The following SPDYE3 variants were observed in gnomAD, a reference collection of about 807,000 sequenced individuals.
SPDYE3 encodes speedy/RINGO cell cycle regulator family member E3.
A neutral mutation model predicts 55.0 loss-of-function variants in SPDYE3; 15 were observed. The observed-to-expected ratio is 0.27, with a 90% CI of 0.18 to 0.42. SPDYE3 has a LOEUF of 0.42. Ranked by LOEUF, SPDYE3 falls within the 10% of genes least tolerant of loss-of-function variation. SPDYE3 has a pLI of 1.00. For synonymous variants in SPDYE3, 89 were observed against 229.9 expected (o/e 0.39, Z 5.55); for missense variants, 236 against 576.7 (o/e 0.41, Z 6.05).
chr7:100,318,562 G>A (rs1789497361), intron 8 of SPDYE3, among the ~76,000 whole-genome samples: 2 of 152,128 alleles, frequency 1.3e-5, no homozygotes, highest in South Asian at 4.1e-4. Flanking sequence ...CCTCTGTGAT[G>A]CCTTCCCTCA....
chr7:100,309,713 G>T (rs1328447995), intron 2 of SPDYE3, among the ~76,000 whole-genome samples: 295 of 114,410 alleles, frequency 2.6e-3, no homozygotes, highest in African/African-American at 9.3e-3. Context: ...AGAGTGAGAC[G>T]CTGTCTCAAA....
In SPDYE3 at chr7:100,309,544, A is replaced by G. The variant is rs552964869; in HGVS notation, c.325+352A>G. 2.9e-5 allele frequency among the ~76,000 whole-genome samples: 4 copies of G among 140,246 alleles called. 1 individual carries two copies. Among genetic ancestry groups the G allele is most frequent in the African/African-American group, 1.0e-4 (4 of 39,044 alleles). 92.0% of individuals were successfully genotyped at this position (140,246 alleles called of 152,430 possible). A position where few individuals can be genotyped will look rare whatever the true frequency, so the allele number is the denominator to read the frequency against. ...CACTGCACTCCAGCCTGAGTGACAG[A>G]GCAAAACTCTGCGTCAAAAGAAAAA... On this transcript the variant is annotated intron_variant, in intron 2 of 10. Coordinates refer to ENST00000332397, the MANE Select transcript of SPDYE3 (RefSeq NM_001004351.5).
chr7:100,307,785 A>T lies in SPDYE3; in HGVS notation c.-101A>T. On this transcript the variant is annotated 5_prime_UTR_variant, in exon 1 of 11. Coordinates refer to ENST00000332397, the MANE Select transcript of SPDYE3 (RefSeq NM_001004351.5). ...CTCCTGACTTCTCCCAGCCTCGAGA[A>T]TTGATAACACACTCTTCTGGATCCC... The T allele has an allele frequency of 1.4e-6, 2 of 1,443,256 alleles. No individual in the cohort carries two copies. Among genetic ancestry groups the T allele is most frequent in the South Asian group, 2.8e-5 (2 of 72,036 alleles). 89.4% of individuals were successfully genotyped at this position (1,443,256 alleles called of 1,614,324 possible).
In SPDYE3 at chr7:100,321,684, C is replaced by G. The variant is rs1295984914; in HGVS notation, c.*839C>G. On this transcript the variant is annotated 3_prime_UTR_variant, in exon 11 of 11. Transcript: ENST00000332397. ...TTTTATTTGCTGTTTAGGTTTGTGA[C>G]TGAATTGTGAGAATTCAGTTGTGAT... The G allele has an allele frequency of 1.3e-5, 2 of 151,528 alleles. No individual in the cohort carries two copies. The highest frequency in any genetic ancestry group is 3.9e-4 in the East Asian group (2 of 5,176). 9.4% of individuals were successfully genotyped at this position (151,528 alleles called of 1,614,324 possible).
intron 1 of SPDYE3, 131 bp from the exon 2 acceptor site, chr7:100,308,839 AAGTC>A (rs1206363267): frequency 1.7e-6 from 1 of 586,302 alleles, no homozygotes; most frequent in Non-Finnish European, 3.1e-6. Context: ...GCAGAGGAGA[AAGTC>A]AGAAAGGTGG....
At chr7:100,316,576 C>T (rs2897141) in intron 7 of SPDYE3, among the ~76,000 whole-genome samples, 3 of 152,286 alleles carry the variant, frequency 2.0e-5, no homozygotes, top group South Asian at 2.1e-4. Flanking sequence ...AGGCTTGAGC[C>T]GCCACTCCCG....
At position 100,319,547 on chromosome 7, in the gene SPDYE3, C is replaced by A. The variant is rs367932132; in HGVS notation, c.1347-18C>A. The A allele has an allele frequency of 2.1e-4, 331 of 1,614,012 alleles. No individual in the cohort carries two copies. Among genetic ancestry groups the A allele is most frequent in the Non-Finnish European group, 2.6e-4 (312 of 1,180,032 alleles). ...TCCTGGTGGTGCCCCTGAGCAGCAA[C>A]CTGATTTCTGTCCTCAGCTATCTGG... On this transcript the variant is annotated intron_variant, in intron 8 of 10. Coordinates refer to ENST00000332397, the MANE Select transcript of SPDYE3 (RefSeq NM_001004351.5).
intron 7 of SPDYE3, among the ~76,000 whole-genome samples, chr7:100,316,584 C>A (rs2129972000): frequency 6.6e-6 from 1 of 152,314 alleles, no homozygotes; most frequent in East Asian, 1.9e-4. Flanking sequence ...GCCGCCACTC[C>A]CGGCTATTCT....
chr7:100,315,768 C>G lies in SPDYE3; in HGVS notation c.1202-17C>G. 6.3e-7 allele frequency: 1 copy of G among 1,598,464 alleles called. No individual in the cohort carries two copies. Among genetic ancestry groups the G allele is most frequent in the Non-Finnish European group, 8.5e-7 (1 of 1,179,722 alleles). On this transcript the variant is annotated splice_polypyrimidine_tract_variant and intron_variant, in intron 6 of 10. Transcript: ENST00000332397. ...CCTGTCCTGCTTCTCACGCTGACAT[C>G]TGCTCTCTAATCACAGAGGATCCTG... is the stretch of plus-strand genomic sequence containing the variant.
At chr7:100,315,739 A>G (rs1647144506) in intron 6 of SPDYE3, 46 bp from the exon 7 acceptor site, 2 of 1,597,688 alleles carry the variant, frequency 1.3e-6, no homozygotes, top group Non-Finnish European at 1.7e-6. Context: ...GCTCCCATGG[A>G]AACCCTGTCC....
intron 7 of SPDYE3, among the ~76,000 whole-genome samples, chr7:100,316,662 G>C (rs1003036587): frequency 2.6e-5 from 4 of 152,060 alleles, no homozygotes; most frequent in African/African-American, 9.7e-5. Flanking sequence ...TGAATGAGTG[G>C]CCCCTGCCTC....
chr7:100,319,933 C>G lies in SPDYE3; in HGVS notation c.1593C>G (p.Ile531Met). The G allele has an allele frequency of 1.2e-6, 2 of 1,612,516 alleles. No homozygotes were observed. Among genetic ancestry groups the G allele is most frequent in the Admixed American group, 1.7e-5 (1 of 60,018 alleles). Residue 531 changes from isoleucine to methionine, a missense_variant and splice_region_variant, in exon 10 of 11, where the codon ATC becomes ATG. Coordinates refer to ENST00000332397, the MANE Select transcript of SPDYE3 (RefSeq NM_001004351.5). ...TCAAAGCGCATTTGTTTTTCCAGATCCAGGCTTATGACCCAGAGCACTGGG... is the reference window on the plus strand; with the variant it reads ...TCAAAGCGCATTTGTTTTTCCAGATGCAGGCTTATGACCCAGAGCACTGGG... ...AWVSPEELEE[I>M]QAYDPEHWVW... is the part of the protein sequence containing the mutation.
At position 100,311,868 on chromosome 7, in the gene SPDYE3, C is replaced by A; in HGVS notation, c.663C>A (p.Thr221=). ...EKELAPEPEE[T]WVAETLCGLK... ...AGCTCGCCCCTGAGCCTGAGGAGAC[C>A]TGGGTGGCAGAGACGCTGTGTGGCC... Residue 221 remains threonine, a synonymous_variant, in exon 4 of 11, where the codon ACC becomes ACA. Coordinates refer to ENST00000332397, the MANE Select transcript of SPDYE3 (RefSeq NM_001004351.5). The A allele has an allele frequency of 8.0e-6, 12 of 1,504,484 alleles. 3 individuals carry two copies. The highest frequency in any genetic ancestry group is 1.1e-5 in the Non-Finnish European group (12 of 1,118,740). The allele number at this position is 1,504,484 out of a possible 1,614,324, so 93.2% of individuals were successfully genotyped here. A position where few individuals can be genotyped will look rare whatever the true frequency, so the allele number is the denominator to read the frequency against.
chr7:100,315,920 G>A, intron 7 of SPDYE3, 77 bp downstream of exon 7: 1 of 1,589,260 alleles, frequency 6.3e-7, no homozygotes, highest in Non-Finnish European at 8.5e-7. Flanking sequence ...CAAACCCACA[G>A]TTCTCCCTCC....
chr7:100,307,928 C>G lies in SPDYE3; in HGVS notation c.43C>G (p.Gln15Glu), dbSNP rs987477711. Residue 15 changes from glutamine to glutamate, a missense_variant, in exon 1 of 11, where the codon CAG (glutamine) becomes GAG (glutamate). By Grantham distance (29) the Gln-to-Glu change is conservative. Coordinates refer to ENST00000332397, the MANE Select transcript of SPDYE3 (RefSeq NM_001004351.5). ...GCAGCCCCAGGAAGAGCAGAGCCCC[C>G]AGCGGAGCACCTCAGGGTACCCCCT... is the stretch of plus-strand genomic sequence containing the variant. Reference protein sequence around the residue: ...QPQPQEEQSPQRSTSGYPLQE... With the variant: ...QPQPQEEQSPERSTSGYPLQE... 1.9e-6 allele frequency: 3 copies of G among 1,584,484 alleles called. No individual in the cohort carries two copies. The African/African-American group carries it at 4.0e-5, about 21-fold the overall frequency.
At chr7:100,318,662 G>A (rs895726187) in intron 8 of SPDYE3, among the ~76,000 whole-genome samples, 1 of 151,488 alleles carries the variant, frequency 6.6e-6, no homozygotes. Flanking sequence ...ATTACTCCCA[G>A]TCCCATTAGA....
chr7:100,313,908 A>G (rs949112253), intron 5 of SPDYE3, among the ~76,000 whole-genome samples: 2 of 63,188 alleles, frequency 3.2e-5, no homozygotes, highest in African/African-American at 6.5e-5. Flanking sequence ...AAAAAAAAAA[A>G]GAAGAAGAAA....
chr7:100,320,847 A>C, intron 10 of SPDYE3, 44 bp from the exon 11 acceptor site: 1 of 1,181,262 alleles, frequency 8.5e-7, no homozygotes, highest in Non-Finnish European at 1.1e-6. Context: ...TCCTGTCTAG[A>C]GAGCTGTCTC....
chr7:100,316,712 C>T lies in SPDYE3; in HGVS notation c.1261-358C>T, dbSNP rs116073101. Among the ~76,000 whole-genome samples, 620 of 152,248 alleles carry T rather than the reference C, an allele frequency of 4.1e-3. 5 individuals are homozygous for T. The highest frequency in any genetic ancestry group is 0.014 in the African/African-American group (590 of 41,530). On this transcript the variant is annotated intron_variant, in intron 7 of 10. Coordinates refer to ENST00000332397, the MANE Select transcript of SPDYE3 (RefSeq NM_001004351.5). Reference sequence around the variant, plus strand: ...TGGGATCTGAGCCCTAGGCCACCGTCTGGCTGCAGTCCTGAAGCTCCTGGG... The same window carrying T: ...TGGGATCTGAGCCCTAGGCCACCGTTTGGCTGCAGTCCTGAAGCTCCTGGG...
Sources: allele counts gnomAD v4.1 joint callset (sites outside exome capture counted in the v4.1 genomes callset), GRCh38; gene constraint gnomAD v4.1.1; transcripts MANE v1.5; gene names NCBI Gene and HGNC (gene_info 2026-07-23, HGNC 2026-07-21).